Variants in RGS6 observed in about 807,000 individuals in gnomAD.
RGS6 encodes the protein regulator of G-protein signaling 6.
RGS6 carries 30 observed loss-of-function variants against 78.5 expected under a neutral mutation model. The ratio of observed to expected loss-of-function variants is 0.38; its 90% CI spans 0.29 to 0.52. The LOEUF is 0.52. Ranked by LOEUF, RGS6 falls within the 20% of genes least tolerant of loss-of-function variation. The pLI is 0.85. For synonymous variants in RGS6, 206 were observed against 206.0 expected (o/e 1.00, Z 0.00); for missense variants, 495 against 609.7 (o/e 0.81, Z 1.98).
At chr14:72,103,961 A>G (rs1315022482) in intron 2 of RGS6, among the ~76,000 whole-genome samples, 1 of 152,218 alleles carries the variant, frequency 6.6e-6, no homozygotes, top group Non-Finnish European at 1.5e-5. Flanking sequence ...ATGTAGGTGA[A>G]GCTCTTAGAA....
At chr14:72,533,111 C>T (rs143157757) in intron 15 of RGS6, among the ~76,000 whole-genome samples, 180 of 152,348 alleles carry the variant, frequency 1.2e-3, no homozygotes, top group African/African-American at 4.1e-3. Flanking sequence ...GGCTGACTCT[C>T]TTGCTAGGGC....
the RGS6 span, among the ~76,000 whole-genome samples, chr14:72,623,809 G>T: frequency 6.6e-6 from 1 of 152,158 alleles, no homozygotes; most frequent in South Asian, 2.1e-4. Context: ...AGCACCTCTA[G>T]CACCCATATT....
chr14:71,916,345 A>G, the RGS6 span, among the ~76,000 whole-genome samples: 3 of 152,214 alleles, frequency 2.0e-5, no homozygotes, highest in Non-Finnish European at 4.4e-5. Context: ...TTTCACTAGC[A>G]GCAATCTAAA....
chr14:72,417,946 A>T (rs1023316397), intron 3 of RGS6, among the ~76,000 whole-genome samples: 1 of 152,166 alleles, frequency 6.6e-6, no homozygotes, highest in Non-Finnish European at 1.5e-5. Context: ...TTAATGTGAC[A>T]GTGATTTATA....
intron 3 of RGS6, 68 bp downstream of exon 3, chr14:72,352,262 G>A: frequency 8.7e-7 from 1 of 1,147,476 alleles, no homozygotes. Context: ...CTAGATTGCG[G>A]CCTGAGGGGT....
chr14:72,040,002 A>T (rs1430573206), intron 2 of RGS6, among the ~76,000 whole-genome samples: 9 of 151,738 alleles, frequency 5.9e-5, no homozygotes, highest in Admixed American at 5.9e-4. Flanking sequence ...CCCCCGTCCT[A>T]CTTTGTTACC....
upstream of RGS6, among the ~76,000 whole-genome samples, chr14:71,929,414 T>C (rs1336251397): frequency 6.6e-6 from 1 of 152,218 alleles, no homozygotes; most frequent in East Asian, 1.9e-4. Flanking sequence ...TACATATTTA[T>C]GCATAAGAAG....
At chr14:72,617,980 C>T in the RGS6 span, among the ~76,000 whole-genome samples, 4 of 152,026 alleles carry the variant, frequency 2.6e-5, no homozygotes, top group East Asian at 1.9e-4. Context: ...CAGCCCAATC[C>T]GCTCCAGCCC....
At chr14:72,364,880 T>C (rs1196310666) in intron 3 of RGS6, among the ~76,000 whole-genome samples, 1 of 152,184 alleles carries the variant, frequency 6.6e-6, no homozygotes, top group Admixed American at 6.5e-5. Flanking sequence ...CAAGACTCTG[T>C]CACTCTCAGA....
chr14:72,345,483 A>G (rs1215070169), intron 2 of RGS6, among the ~76,000 whole-genome samples: 2 of 152,220 alleles, frequency 1.3e-5, no homozygotes, highest in South Asian at 2.1e-4. Context: ...CACTTGTGCC[A>G]TTGAAATTGC....
In RGS6 at chr14:72,539,371, C is replaced by T. The variant is rs556513568; in HGVS notation, c.1369-670C>T. Among the ~76,000 whole-genome samples the T allele has an allele frequency of 3.3e-5, 5 of 152,246 alleles. No individual in the cohort carries two copies. In the South Asian group the frequency reaches 1.0e-3, roughly 32 times the overall value. ...ATCCCCATGTTATTGTCTTCTGAGA[C>T]CCAAGACCCTTTGTCCATGGCAAAG... On this transcript the variant is annotated intron_variant, in intron 16 of 17. Coordinates refer to ENST00000553525, the MANE Select transcript of RGS6 (RefSeq NM_001204424.2).
At chr14:72,569,749 C>A (rs1359643216), downstream of RGS6, among the ~76,000 whole-genome samples, 3 of 152,154 alleles carry the variant, frequency 2.0e-5, no homozygotes, top group Admixed American at 2.0e-4. Flanking sequence ...CACTATGTGA[C>A]CTTAGCCCAT....
At chr14:72,176,829 G>C (rs566574778) in intron 2 of RGS6, among the ~76,000 whole-genome samples, 1 of 152,056 alleles carries the variant, frequency 6.6e-6, no homozygotes, top group African/African-American at 2.4e-5. Context: ...ACACACGCTC[G>C]CCCATGTAAT....
At chr14:72,254,984 GAGAA>G (rs2056754933) in intron 2 of RGS6, among the ~76,000 whole-genome samples, 1 of 152,198 alleles carries the variant, frequency 6.6e-6, no homozygotes, top group East Asian at 1.9e-4. Context: ...TGTGGATCAA[GAGAA>G]AGAAACAGGG....
intron 13 of RGS6, among the ~76,000 whole-genome samples, chr14:72,501,169 G>A (rs1029250985): frequency 1.3e-5 from 2 of 152,124 alleles, no homozygotes; most frequent in African/African-American, 4.8e-5. Context: ...CAGGGCCCAG[G>A]ATGTCACCGA....
the RGS6 span, among the ~76,000 whole-genome samples, chr14:71,877,173 G>C: frequency 3.9e-5 from 6 of 152,280 alleles, no homozygotes; most frequent in South Asian, 1.2e-3. Flanking sequence ...TCTTCTGGAA[G>C]AGTATCTTTG....
chr14:72,117,274 C>T (rs2095917424), intron 2 of RGS6, among the ~76,000 whole-genome samples: 1 of 151,984 alleles, frequency 6.6e-6, no homozygotes, highest in Non-Finnish European at 1.5e-5. Flanking sequence ...GAGGTGGGGG[C>T]TGGTGGGAGG....
At chr14:72,226,063 G>C (rs1438742106) in intron 2 of RGS6, among the ~76,000 whole-genome samples, 1 of 152,152 alleles carries the variant, frequency 6.6e-6, no homozygotes, top group Admixed American at 6.5e-5. Flanking sequence ...CAGAGTTTAA[G>C]GGTGTTTAGA....
chr14:72,020,585 T>A (rs1010178126), intron 2 of RGS6, among the ~76,000 whole-genome samples: 1 of 152,042 alleles, frequency 6.6e-6, no homozygotes, highest in East Asian at 1.9e-4. Context: ...GATGACTAAG[T>A]GTGACTATTC....
Sources: allele counts gnomAD v4.1 joint callset (sites outside exome capture counted in the v4.1 genomes callset), GRCh38; gene constraint gnomAD v4.1.1; transcripts MANE v1.5; gene names NCBI Gene and HGNC (gene_info 2026-07-23, HGNC 2026-07-21).